The following SH3GL2 variants were observed in gnomAD, a reference collection of about 807,000 sequenced individuals.
SH3GL2 encodes SH3 domain containing GRB2 like 2, endophilin A1, also known as endophilin-A1.
Under a neutral mutation model 46.0 loss-of-function variants are expected in SH3GL2, and 24 were observed. The ratio of observed to expected loss-of-function variants is 0.52; its 90% confidence interval spans 0.38 to 0.73. The LOEUF (loss-of-function observed/expected upper bound fraction) is 0.73. Ranked by LOEUF, SH3GL2 falls within the 30% of genes least tolerant of loss-of-function variation. SH3GL2 has a pLI of 0.00. For missense variants in SH3GL2, 413 were observed against 424.2 expected, an observed-to-expected ratio of 0.97 and a Z score of 0.23; for synonymous variants, 196 against 147.1, an observed-to-expected ratio of 1.33 and a Z score of -2.40.
At chr9:17,582,693 G>A (rs986286076) in intron 1 of SH3GL2, among the ~76,000 whole-genome samples, 1 of 152,178 alleles carries the variant, frequency 6.6e-6, no homozygotes, top group African/African-American at 2.4e-5. Context: ...TCGTTTCAAC[G>A]ACAGAAATAC....
chr9:17,677,173 A>T (rs1563807972), intron 1 of SH3GL2, among the ~76,000 whole-genome samples: 4 of 151,530 alleles, frequency 2.6e-5, no homozygotes, highest in African/African-American at 7.3e-5. Flanking sequence ...TTTGAAAAAC[A>T]TTTTTTTTTC....
chr9:17,692,011 G>T (rs903083485), intron 1 of SH3GL2, among the ~76,000 whole-genome samples: 8 of 152,056 alleles, frequency 5.3e-5, no homozygotes, highest in Admixed American at 5.2e-4. Context: ...ATTCATTTCT[G>T]AAGTATTCTT....
intron 1 of SH3GL2, among the ~76,000 whole-genome samples, chr9:17,696,733 T>C (rs1176427630): frequency 6.6e-6 from 1 of 152,176 alleles, no homozygotes; most frequent in Non-Finnish European, 1.5e-5. Flanking sequence ...ATGGGGATTA[T>C]GGGAACTACA....
At chr9:17,726,782 C>G (rs1822030488) in intron 1 of SH3GL2, among the ~76,000 whole-genome samples, 1 of 152,006 alleles carries the variant, frequency 6.6e-6, no homozygotes, top group Non-Finnish European at 1.5e-5. Flanking sequence ...ATCAGATTTG[C>G]AAAAATTAAA....
chr9:17,634,869 G>C (rs1819507390), intron 1 of SH3GL2, among the ~76,000 whole-genome samples: 1 of 152,192 alleles, frequency 6.6e-6, no homozygotes, highest in African/African-American at 2.4e-5. Context: ...CCCTGGATGG[G>C]GAAGGGTAAG....
intron 3 of SH3GL2, among the ~76,000 whole-genome samples, chr9:17,771,461 C>G (rs1353427642): frequency 6.6e-6 from 1 of 152,160 alleles, no homozygotes; most frequent in African/African-American, 2.4e-5. Flanking sequence ...TGGGCAAGGT[C>G]TTTAGAAATC....
chr9:17,655,865 G>T (rs1362316594), intron 1 of SH3GL2, among the ~76,000 whole-genome samples: 1 of 152,198 alleles, frequency 6.6e-6, no homozygotes, highest in Non-Finnish European at 1.5e-5. Flanking sequence ...TGCATTCCAA[G>T]AGGAGGATAG....
chr9:17,769,518 C>T (rs572404804), intron 3 of SH3GL2, among the ~76,000 whole-genome samples: 2 of 152,156 alleles, frequency 1.3e-5, no homozygotes, highest in East Asian at 1.9e-4. Flanking sequence ...CAGACTTGTT[C>T]CTGCCTCGGG....
At chr9:17,653,030 C>T (rs765785071) in intron 1 of SH3GL2, among the ~76,000 whole-genome samples, 1 of 151,926 alleles carries the variant, frequency 6.6e-6, no homozygotes, top group Non-Finnish European at 1.5e-5. Flanking sequence ...CCATTTTATC[C>T]CTCTGTGACA....
At chr9:17,680,513 T>G (rs1820739307) in intron 1 of SH3GL2, among the ~76,000 whole-genome samples, 1 of 152,168 alleles carries the variant, frequency 6.6e-6, no homozygotes, top group African/African-American at 2.4e-5. Context: ...ATTTGATTCT[T>G]CTCTCTTTTC....
chr9:17,786,539 C>G lies in SH3GL2; in HGVS notation c.331+15C>G. On this transcript the variant is annotated intron_variant, in intron 4 of 8. Coordinates refer to ENST00000380607, the MANE Select transcript of SH3GL2 (RefSeq NM_003026.5). ...TTGCAACTTTGGTAACAAGTGCTTC[C>G]TCACATTGTAATTCTTTCATTTGTC... 6.2e-7 allele frequency: 1 copy of G among 1,611,430 alleles called. No individual in the cohort carries two copies. Among genetic ancestry groups the G allele is most frequent in the Non-Finnish European group, 8.5e-7 (1 of 1,178,040 alleles).
At chr9:17,789,583 TATC>T (rs780025834) in intron 6 of SH3GL2, 33 bp downstream of exon 6, 35 of 1,611,170 alleles carry the variant, frequency 2.2e-5, no homozygotes, top group Non-Finnish European at 2.8e-5. Context: ...AATTTAATCT[TATC>T]ATCGAGGCAC....
chr9:17,772,510 T>G (rs1823513962), intron 3 of SH3GL2, among the ~76,000 whole-genome samples: 1 of 152,166 alleles, frequency 6.6e-6, no homozygotes. Flanking sequence ...CTTTCCTACT[T>G]CAGCCGCTGG....
At chr9:17,779,107 G>C (rs1388027695) in intron 3 of SH3GL2, among the ~76,000 whole-genome samples, 2 of 152,110 alleles carry the variant, frequency 1.3e-5, no homozygotes, top group Non-Finnish European at 2.9e-5. Flanking sequence ...GACCTGATAA[G>C]AGGTGGGACT....
intron 1 of SH3GL2, among the ~76,000 whole-genome samples, chr9:17,738,665 G>GAGAGAC (rs1822434712): frequency 6.9e-6 from 1 of 144,184 alleles, no homozygotes; most frequent in Admixed American, 6.9e-5. Context: ...GAGAGAGAGA[G>GAGAGAC]AGAGAGAGAT....
chr9:17,612,044 CAGAG>C (rs541302581), intron 1 of SH3GL2, among the ~76,000 whole-genome samples: 1 of 152,124 alleles, frequency 6.6e-6, no homozygotes, highest in Non-Finnish European at 1.5e-5. Flanking sequence ...GGGAAATTCT[CAGAG>C]AGAGGAGGTG....
intron 1 of SH3GL2, among the ~76,000 whole-genome samples, chr9:17,645,281 G>T (rs1819787192): frequency 6.7e-6 from 1 of 148,654 alleles, no homozygotes; most frequent in South Asian, 2.1e-4. Flanking sequence ...CACACTGATG[G>T]GTCTCCTGAA....
intron 1 of SH3GL2, among the ~76,000 whole-genome samples, chr9:17,668,435 T>G (rs1367101748): frequency 6.6e-6 from 1 of 152,174 alleles, no homozygotes; most frequent in Non-Finnish European, 1.5e-5. Context: ...GCCCAAAAAT[T>G]TATGGATTTG....
At chr9:17,674,892 T>G (rs1401993548) in intron 1 of SH3GL2, among the ~76,000 whole-genome samples, 1 of 152,084 alleles carries the variant, frequency 6.6e-6, no homozygotes, top group Non-Finnish European at 1.5e-5. Context: ...CAGTGGCAGT[T>G]CATTAACATT....
Sources: gnomAD v4.1 joint callset for allele counts (sites outside exome capture counted in the v4.1 genomes callset) on GRCh38, gnomAD v4.1.1 for gene constraint, MANE v1.5 for transcripts, NCBI Gene and HGNC (gene_info 2026-07-23, HGNC 2026-07-21) for gene names.